The following SQOR variants were observed in gnomAD, a reference collection of about 807,000 sequenced individuals.
SQOR encodes the protein sulfide:quinone oxidoreductase, mitochondrial.
Under a neutral mutation model 48.6 loss-of-function variants are expected in SQOR, and 39 were observed. The ratio of observed to expected loss-of-function variants is 0.80; its 90% CI spans 0.62 to 1.05. SQOR has a LOEUF of 1.05. Among genes scored for constraint, SQOR ranks in the 50% least tolerant of loss-of-function variants. The pLI is 0.00. For missense variants in SQOR, 561 were observed against 559.9 expected (o/e 1.00, Z -0.02); for synonymous variants, 220 against 206.2 (o/e 1.07, Z -0.57).
intron 1 of SQOR, among the ~76,000 whole-genome samples, chr15:45,635,362 G>A (rs968756172): frequency 6.6e-6 from 1 of 152,242 alleles, no homozygotes; most frequent in Non-Finnish European, 1.5e-5. Context: ...GGGCCGCGGA[G>A]AGGCCAACCC....
chr15:45,666,429 G>A (rs1404405593), intron 3 of SQOR, among the ~76,000 whole-genome samples: 4 of 152,114 alleles, frequency 2.6e-5, no homozygotes, highest in Non-Finnish European at 5.9e-5. Context: ...AAGGTGCTCA[G>A]TAAATATTTG....
At chr15:45,657,713 A>G (rs1889636949) in intron 1 of SQOR, among the ~76,000 whole-genome samples, 1 of 152,128 alleles carries the variant, frequency 6.6e-6, no homozygotes, top group Non-Finnish European at 1.5e-5. Context: ...AGCTTTCTCT[A>G]ATCCCCTTGT....
intron 1 of SQOR, among the ~76,000 whole-genome samples, chr15:45,653,288 C>T (rs1459946296): frequency 6.6e-6 from 1 of 152,162 alleles, no homozygotes; most frequent in African/African-American, 2.4e-5. Flanking sequence ...CAAGGGGACC[C>T]ACACCTGTGT....
chr15:45,691,199 G>C lies in SQOR; in HGVS notation c.*169G>C, dbSNP rs1347018692. Reference sequence around the variant, plus strand: ...CAGTACCTTTGAACAGCAACCATGTGGGCTACTCATGATGGGCTTGATTCT... The same window carrying C: ...CAGTACCTTTGAACAGCAACCATGTCGGCTACTCATGATGGGCTTGATTCT... On this transcript the variant is annotated 3_prime_UTR_variant, in exon 10 of 10. Coordinates refer to ENST00000260324, the MANE Select transcript of SQOR (RefSeq NM_021199.4). 1.6e-6 allele frequency: 1 copy of C among 619,236 alleles called. No homozygotes were observed. The highest frequency in any genetic ancestry group is 1.8e-5 in the African/African-American group (1 of 54,512). 38.4% of individuals were successfully genotyped at this position (619,236 alleles called of 1,614,324 possible). A position where few individuals can be genotyped will look rare whatever the true frequency, so the allele number is the denominator to read the frequency against.
At chr15:45,678,478 G>A (rs62008307) in intron 6 of SQOR, among the ~76,000 whole-genome samples, 13,851 of 152,066 alleles carry the variant, frequency 0.091, 819 homozygotes, top group Middle Eastern at 0.21. Flanking sequence ...AATTATTATG[G>A]TGCTCAAATT....
chr15:45,684,986 G>A (rs1003294831), intron 7 of SQOR, among the ~76,000 whole-genome samples: 1 of 152,124 alleles, frequency 6.6e-6, no homozygotes, highest in African/African-American at 2.4e-5. Flanking sequence ...TATTTAAAGA[G>A]TCCACTCTTA....
intron 1 of SQOR, among the ~76,000 whole-genome samples, chr15:45,639,243 A>G (rs1480670019): frequency 6.6e-6 from 1 of 152,256 alleles, no homozygotes; most frequent in Admixed American, 6.5e-5. Flanking sequence ...TGTTAAAGCC[A>G]TATTCAGCTT....
intron 4 of SQOR, among the ~76,000 whole-genome samples, chr15:45,673,360 T>G (rs1415852252): frequency 1.3e-5 from 2 of 152,142 alleles, no homozygotes; most frequent in Non-Finnish European, 2.9e-5. Flanking sequence ...GTATTCAAAT[T>G]GTATTCTCAA....
chr15:45,647,091 A>G (rs116890020), intron 1 of SQOR, among the ~76,000 whole-genome samples: 2,909 of 152,168 alleles, frequency 0.019, 185 homozygotes, highest in East Asian at 0.16. Flanking sequence ...TCTATTAAAA[A>G]TATATAAATT....
At chr15:45,677,062 A>C (rs887548850) in intron 6 of SQOR, among the ~76,000 whole-genome samples, 2 of 151,496 alleles carry the variant, frequency 1.3e-5, no homozygotes, top group African/African-American at 2.4e-5. Context: ...AAAAAGAAAT[A>C]ATCTCAAACT....
At chr15:45,690,082 C>CTTTTTTTTTTTTTTTTT (rs11449007) in intron 9 of SQOR, among the ~76,000 whole-genome samples, 1 of 137,018 alleles carries the variant, frequency 7.3e-6, no homozygotes, top group Non-Finnish European at 1.5e-5. Flanking sequence ...CCTCTTCCTC[C>CTTTTTTTTTTTTTTTTT]TTTTTTTTTT....
At chr15:45,690,577 A>T (rs1250399869) in intron 9 of SQOR, among the ~76,000 whole-genome samples, 1 of 152,230 alleles carries the variant, frequency 6.6e-6, no homozygotes, top group African/African-American at 2.4e-5. Context: ...GGCCAGGGAT[A>T]CTGCTAAACG....
chr15:45,689,417 C>CT (rs544575691), intron 9 of SQOR, 200 bp downstream of exon 9: 15,532 of 254,576 alleles, frequency 0.061, 3 homozygotes, highest in South Asian at 0.1. Flanking sequence ...TGCTACCTTA[C>CT]TTTTTTTTTT....
intron 1 of SQOR, among the ~76,000 whole-genome samples, chr15:45,636,697 C>T (rs907700149): frequency 3.3e-5 from 5 of 152,080 alleles, no homozygotes; most frequent in African/African-American, 4.8e-5. Flanking sequence ...CCACTGCGCA[C>T]GGCCAATATC....
intron 3 of SQOR, among the ~76,000 whole-genome samples, chr15:45,669,459 T>C (rs1172423156): frequency 6.6e-6 from 1 of 152,190 alleles, no homozygotes; most frequent in African/African-American, 2.4e-5. Context: ...CCACTGTGCC[T>C]GGCCTACCCC....
chr15:45,636,480 T>G (rs1439561212), intron 1 of SQOR, among the ~76,000 whole-genome samples: 1 of 151,150 alleles, frequency 6.6e-6, no homozygotes, highest in Non-Finnish European at 1.5e-5. Context: ...CTCGGTTCAA[T>G]GCAACCTCCG....
At chr15:45,647,855 T>C (rs1022168094) in intron 1 of SQOR, among the ~76,000 whole-genome samples, 4 of 152,044 alleles carry the variant, frequency 2.6e-5, no homozygotes, top group African/African-American at 7.2e-5. Context: ...AGGCGGAGGC[T>C]GCAGTGAGTG....
intron 1 of SQOR, 40 bp from the exon 2 acceptor site, chr15:45,658,867 T>G: frequency 1.4e-6 from 2 of 1,412,620 alleles, no homozygotes. Flanking sequence ...CCACGATGGT[T>G]TCTACCTTGG....
At chr15:45,648,188 T>C (rs1889383482) in intron 1 of SQOR, among the ~76,000 whole-genome samples, 1 of 151,922 alleles carries the variant, frequency 6.6e-6, no homozygotes, top group Non-Finnish European at 1.5e-5. Flanking sequence ...TTTTTGTTTT[T>C]TTTTTGAGAC....
Sources: allele counts gnomAD v4.1 joint callset (sites outside exome capture counted in the v4.1 genomes callset), GRCh38; gene constraint gnomAD v4.1.1; transcripts MANE v1.5; gene names NCBI Gene and HGNC (gene_info 2026-07-23, HGNC 2026-07-21).